SORCS2: variants seen among roughly 807,000 people sequenced by gnomAD.
The protein encoded by SORCS2 is sortilin related VPS10 domain containing receptor 2, also known as VPS10 domain-containing receptor SorCS2.
Under a neutral mutation model 141.6 loss-of-function variants are expected in SORCS2, and 100 were observed. The ratio of observed to expected loss-of-function variants is 0.71; its 90% CI spans 0.60 to 0.83. The LOEUF (loss-of-function observed/expected upper bound fraction) is 0.83. SORCS2 is among the 40% of genes least tolerant of loss of function. The pLI, the probability that SORCS2 is intolerant of heterozygous loss-of-function variation, is 0.00. For missense variants in SORCS2, 1,646 were observed against 1,560.2 expected, an observed-to-expected ratio of 1.05 and a Z score of -0.93; for synonymous variants, 789 against 676.9, an observed-to-expected ratio of 1.17 and a Z score of -2.57.
At chr4:7,560,127 C>T (rs1204237538) in intron 3 of SORCS2, among the ~76,000 whole-genome samples, 6 of 152,196 alleles carry the variant, frequency 3.9e-5, no homozygotes, top group Non-Finnish European at 5.9e-5. Context: ...GGAAAAATGC[C>T]GGCTGCCAAG....
intron 2 of SORCS2, among the ~76,000 whole-genome samples, chr4:7,505,958 A>G (rs1035480910): frequency 1.3e-5 from 2 of 152,190 alleles, no homozygotes; most frequent in Non-Finnish European, 1.5e-5. Context: ...TTCCGCGGCT[A>G]TAAAACACCC....
chr4:7,612,167 A>T (rs1718448876), intron 3 of SORCS2, among the ~76,000 whole-genome samples: 1 of 152,138 alleles, frequency 6.6e-6, no homozygotes, highest in Non-Finnish European at 1.5e-5. Flanking sequence ...GGTAAAACTG[A>T]GCATCATCAG....
chr4:7,369,585 G>T (rs1722121189), intron 1 of SORCS2, among the ~76,000 whole-genome samples: 1 of 152,178 alleles, frequency 6.6e-6, no homozygotes, highest in Admixed American at 6.5e-5. Context: ...GAATTTCTGA[G>T]ATAGAGAGTT....
chr4:7,624,179 C>T (rs998929539), intron 3 of SORCS2, among the ~76,000 whole-genome samples: 4 of 145,260 alleles, frequency 2.8e-5, no homozygotes, highest in Non-Finnish European at 4.6e-5. Flanking sequence ...TCATGCCCAC[C>T]GTGATTCAAG....
At chr4:7,463,580 C>T (rs1339011964) in intron 2 of SORCS2, among the ~76,000 whole-genome samples, 2 of 152,192 alleles carry the variant, frequency 1.3e-5, no homozygotes, top group African/African-American at 4.8e-5. Context: ...TCCTTCTCCA[C>T]GTCTCTGTTA....
At chr4:7,267,883 C>T (rs943086567) in intron 1 of SORCS2, among the ~76,000 whole-genome samples, 24 of 152,220 alleles carry the variant, frequency 1.6e-4, no homozygotes, top group African/African-American at 5.3e-4. Flanking sequence ...TCAGTCAACC[C>T]GTCAGTGAGT....
intron 1 of SORCS2, among the ~76,000 whole-genome samples, chr4:7,362,250 A>G (rs1418104501): frequency 6.6e-6 from 1 of 152,144 alleles, no homozygotes; most frequent in East Asian, 1.9e-4. Flanking sequence ...AAGCCAGGTG[A>G]CATAAGGATC....
chr4:7,730,352 CT>C (rs1249053845), intron 23 of SORCS2, among the ~76,000 whole-genome samples: 1 of 152,200 alleles, frequency 6.6e-6, no homozygotes, highest in African/African-American at 2.4e-5. Flanking sequence ...GCAAAACGGG[CT>C]GGAAATTCCT....
intron 1 of SORCS2, among the ~76,000 whole-genome samples, chr4:7,380,995 T>C (rs1004309488): frequency 1.1e-4 from 16 of 148,442 alleles, no homozygotes; most frequent in Non-Finnish European, 1.5e-5. Flanking sequence ...GGCAGGAGAA[T>C]CGCTTGAACC....
intron 3 of SORCS2, among the ~76,000 whole-genome samples, chr4:7,536,709 G>A (rs552828609): frequency 4.4e-4 from 67 of 152,260 alleles, no homozygotes; most frequent in Non-Finnish European, 3.8e-4. Flanking sequence ...AAGCAAAAAT[G>A]GCCTTTATCA....
At chr4:7,520,145 T>C (rs1409778834) in intron 2 of SORCS2, among the ~76,000 whole-genome samples, 2 of 152,186 alleles carry the variant, frequency 1.3e-5, no homozygotes, top group Non-Finnish European at 2.9e-5. Flanking sequence ...ACTCGTACAG[T>C]TGCACGGCAC....
At chr4:7,680,478 C>T (rs1577067841) in intron 9 of SORCS2, among the ~76,000 whole-genome samples, 3 of 152,248 alleles carry the variant, frequency 2.0e-5, no homozygotes, top group Non-Finnish European at 2.9e-5. Flanking sequence ...GTCACTGAGT[C>T]GAGTGAGCAG....
intron 1 of SORCS2, among the ~76,000 whole-genome samples, chr4:7,220,103 G>A (rs1229166486): frequency 1.3e-5 from 2 of 152,172 alleles, no homozygotes; most frequent in African/African-American, 2.4e-5. Flanking sequence ...TACTGGAGTT[G>A]GGCTGAGACT....
At chr4:7,472,600 C>T (rs1211282333) in intron 2 of SORCS2, among the ~76,000 whole-genome samples, 1 of 152,142 alleles carries the variant, frequency 6.6e-6, no homozygotes, top group Non-Finnish European at 1.5e-5. Flanking sequence ...CCTCCTGCCC[C>T]CTGCCGAATG....
At chr4:7,311,248 G>T (rs956291098) in intron 1 of SORCS2, among the ~76,000 whole-genome samples, 4 of 152,130 alleles carry the variant, frequency 2.6e-5, no homozygotes, top group Admixed American at 6.5e-5. Flanking sequence ...TGTCACATCA[G>T]TCAATCAATT....
intron 2 of SORCS2, among the ~76,000 whole-genome samples, chr4:7,474,072 G>A (rs1444528206): frequency 2.0e-5 from 3 of 152,286 alleles, no homozygotes; most frequent in East Asian, 1.9e-4. Context: ...TCGGTTGATG[G>A]CCTCCCCCTC....
In SORCS2 at chr4:7,195,292, T is replaced by G. The variant is rs550013005; in HGVS notation, c.480+2166T>G. Among the ~76,000 whole-genome samples, 9 of 152,162 alleles carry G rather than the reference T, an allele frequency of 5.9e-5. No homozygotes were observed. In the South Asian group the frequency reaches 1.7e-3, roughly 28 times the overall value. On this transcript the variant is annotated intron_variant, in intron 1 of 26. Transcript: ENST00000507866. ...CCAGAGAGGAGCTTTAAGGGATGGA[T>G]GTCCTCTGGTCAGCATGAGGCGAGG... is the stretch of plus-strand genomic sequence containing the variant.
At chr4:7,724,856 G>A (rs201710234) in intron 19 of SORCS2, among the ~76,000 whole-genome samples, 3 of 50,204 alleles carry the variant, frequency 6.0e-5, no homozygotes, top group South Asian at 7.5e-4. Context: ...GGTGGTAGTG[G>A]TGATGGTGGT....
At chr4:7,659,516 G>C (rs557147540) in intron 5 of SORCS2, among the ~76,000 whole-genome samples, 1 of 151,830 alleles carries the variant, frequency 6.6e-6, no homozygotes, top group South Asian at 2.1e-4. Context: ...TGGATGGGTG[G>C]ATGTCCCTCA....
Sources: allele counts gnomAD v4.1 joint callset (sites outside exome capture counted in the v4.1 genomes callset), GRCh38; gene constraint gnomAD v4.1.1; transcripts MANE v1.5; gene names NCBI Gene and HGNC (gene_info 2026-07-23, HGNC 2026-07-21).